Variants in SPI1 observed in about 807,000 individuals in gnomAD.
The protein encoded by SPI1 is transcription factor PU.1.
Under a neutral mutation model 30.7 loss-of-function variants are expected in SPI1, and 3 were observed. The observed-to-expected ratio is 0.10, with a 90% CI of 0.04 to 0.25. The LOEUF (loss-of-function observed/expected upper bound fraction) is 0.25, where lower values mean the gene tolerates loss of function less well. SPI1 is among the 10% of genes least tolerant of loss of function. The probability of loss-of-function intolerance (pLI) is 1.00; values close to 1 mark genes in which losing one functional copy is unlikely to be tolerated. For missense variants in SPI1, 261 were observed against 371.5 expected (o/e 0.70, Z 2.45); for synonymous variants, 169 against 157.1 (o/e 1.08, Z -0.56).
intron 1 of SPI1, among the ~76,000 whole-genome samples, chr11:47,377,215 C>T (rs962382153): frequency 1.4e-4 from 21 of 152,144 alleles, no homozygotes; most frequent in Admixed American, 1.0e-3. Context: ...GATGTCAGCC[C>T]GGCTCTGGTC....
chr11:47,356,798 G>C (rs890955526), intron 4 of SPI1, among the ~76,000 whole-genome samples: 21 of 143,754 alleles, frequency 1.5e-4, no homozygotes, highest in Non-Finnish European at 2.9e-4. Flanking sequence ...ACACACACTT[G>C]CACGCACACA....
chr11:47,360,125 C>G, intron 2 of SPI1, 85 bp from the exon 3 acceptor site: 1 of 1,206,504 alleles, frequency 8.3e-7, no homozygotes. Context: ...ATAATACTGC[C>G]AGGCCATATG....
At chr11:47,376,163 C>G (rs55677087) in intron 1 of SPI1, among the ~76,000 whole-genome samples, 42,833 of 151,682 alleles carry the variant, frequency 0.28, 6,606 homozygotes, top group Middle Eastern at 0.39. Flanking sequence ...CGCCTGCACA[C>G]TATCCCTCAC....
At chr11:47,377,359 C>T (rs937203606) in intron 1 of SPI1, among the ~76,000 whole-genome samples, 1 of 152,090 alleles carries the variant, frequency 6.6e-6, no homozygotes, top group African/African-American at 2.4e-5. Context: ...AAGCCCTTCC[C>T]GGCTCCCCTC....
intron 2 of SPI1, among the ~76,000 whole-genome samples, chr11:47,368,799 G>A (rs1223224402): frequency 3.3e-5 from 5 of 152,282 alleles, no homozygotes. Flanking sequence ...TGAATACAGA[G>A]TCTCCGTTTT....
At chr11:47,363,849 C>T (rs150863859) in intron 2 of SPI1, among the ~76,000 whole-genome samples, 1 of 149,970 alleles carries the variant, frequency 6.7e-6, no homozygotes, top group African/African-American at 2.4e-5. Context: ...GTAATCCCAG[C>T]TACTCAGGAG....
chr11:47,366,133 A>G (rs1218364121), intron 2 of SPI1, among the ~76,000 whole-genome samples: 1 of 152,088 alleles, frequency 6.6e-6, no homozygotes, highest in African/African-American at 2.4e-5. Flanking sequence ...TCCATTCATC[A>G]TGGAACCATT....
intron 2 of SPI1, among the ~76,000 whole-genome samples, chr11:47,368,102 A>ACACCT (rs1434997718): frequency 1.3e-5 from 2 of 152,154 alleles, no homozygotes; most frequent in African/African-American, 4.8e-5. Flanking sequence ...GCAGTGGCTC[A>ACACCT]CACCTGTATT....
At chr11:47,360,086 A>C in intron 2 of SPI1, 46 bp from the exon 3 acceptor site, 17 of 1,368,816 alleles carry the variant, frequency 1.2e-5, no homozygotes, top group Non-Finnish European at 1.5e-5. Flanking sequence ...AGGGTTGGGC[A>C]GGGCAGGAAA....
chr11:47,378,459 G>A lies in SPI1; in HGVS notation c.-106C>T. 2.3e-6 allele frequency: 3 copies of A among 1,283,892 alleles called. No homozygotes were observed. The highest frequency in any genetic ancestry group is 1.3e-5 in the South Asian group (1 of 78,922). 79.5% of individuals were successfully genotyped at this position (1,283,892 alleles called of 1,614,324 possible). On this transcript the variant is annotated 5_prime_UTR_variant, in exon 1 of 5. Coordinates refer to ENST00000378538, the MANE Select transcript of SPI1 (RefSeq NM_003120.3). ...GGGGCTGGACGGTCGTGGGGCGGGT[G>A]CAGGGCTCAGGCCTGCCCCCTGAGC...
chr11:47,367,006 G>T (rs1381594027), intron 2 of SPI1, among the ~76,000 whole-genome samples: 3 of 152,250 alleles, frequency 2.0e-5, no homozygotes, highest in South Asian at 2.1e-4. Context: ...CTAGCAATGT[G>T]CCTGGCATAT....
At chr11:47,367,731 A>C (rs2095930380) in intron 2 of SPI1, among the ~76,000 whole-genome samples, 1 of 149,210 alleles carries the variant, frequency 6.7e-6, no homozygotes. Flanking sequence ...CCACTATGGG[A>C]AATAGATGAT....
At position 47,355,334 on chromosome 11, in the gene SPI1, C is replaced by T; in HGVS notation, c.706G>A (p.Gly236Ser). The T allele has an allele frequency of 6.2e-7, 1 of 1,612,974 alleles. No homozygotes were observed. Among genetic ancestry groups the T allele is most frequent in the Non-Finnish European group, 8.5e-7 (1 of 1,179,472 alleles). ...QKMARALRNY[G>S]KTGEVKKVKK... ...ACCTTCTTGACCTCGCCCGTCTTGC[C>T]GTAGTTGCGCAGCGCGCGCGCCATC... Residue 236 changes from glycine (G) to serine (S), a missense_variant, in exon 5 of 5, where the codon GGC (glycine) becomes AGC (serine). Around this residue, in one of 5 missense-constraint regions of SPI1, gnomAD observed 43 missense variants for 123.8 expected, o/e 0.35. Coordinates refer to ENST00000378538, the MANE Select transcript of SPI1 (RefSeq NM_003120.3).
Position 47,375,095 on chromosome 11 carries a change from C to T in SPI1, c.142+538G>A, listed in dbSNP as rs540662211. 4.6e-5 allele frequency among the ~76,000 whole-genome samples: 7 copies of T among 152,204 alleles called. No homozygotes were observed. Among genetic ancestry groups the T allele is most frequent in the Admixed American group, 2.0e-4 (3 of 15,288 alleles). ...AGCAAGGATGCCACTAAGCTTCCTACGGTACCCGGGACAGCCCACCCAGGA... is the reference window on the plus strand; with the variant it reads ...AGCAAGGATGCCACTAAGCTTCCTATGGTACCCGGGACAGCCCACCCAGGA... On this transcript the variant is annotated intron_variant, in intron 2 of 4. Coordinates refer to ENST00000378538, the MANE Select transcript of SPI1 (RefSeq NM_003120.3). This position sits in a 1 kb window ranked among gnomAD's most constrained non-coding sequence, Gnocchi z 4.2.
intron 2 of SPI1, among the ~76,000 whole-genome samples, chr11:47,361,271 G>C (rs923768517): frequency 6.6e-6 from 1 of 152,198 alleles, no homozygotes. Context: ...TCACAGGGCT[G>C]ACATTCCTCA....
At chr11:47,356,319 C>T (rs1011257525) in intron 4 of SPI1, among the ~76,000 whole-genome samples, 6 of 139,944 alleles carry the variant, frequency 4.3e-5, no homozygotes, top group Non-Finnish European at 7.7e-5. Context: ...CACACTGCAT[C>T]TGCTTACACA....
At chr11:47,361,075 T>C (rs182659833) in intron 2 of SPI1, among the ~76,000 whole-genome samples, 15 of 151,978 alleles carry the variant, frequency 9.9e-5, no homozygotes, top group African/African-American at 3.6e-4. Context: ...GAGCCGAGAT[T>C]GCGCCACTGC....
intron 1 of SPI1, among the ~76,000 whole-genome samples, chr11:47,377,948 C>T (rs977198710): frequency 1.3e-5 from 2 of 152,330 alleles, no homozygotes; most frequent in South Asian, 4.1e-4. Flanking sequence ...ACCGGCCTCC[C>T]CCAAGCCAGT....
chr11:47,362,570 CTTTTTTTTTTT>C lies in SPI1; in HGVS notation c.143-2541_143-2531del, dbSNP rs377422572. Reference sequence around the variant, plus strand: ...TGGGTGACAGAGTGAGACCCTGTCTCTTTTTTTTTTTTTTTTTTTTTCTCTGAGATGAAGTC... The same window carrying C: ...TGGGTGACAGAGTGAGACCCTGTCTCTTTTTTTTTTCTCTGAGATGAAGTC... On this transcript the variant is annotated intron_variant, in intron 2 of 4. Coordinates refer to ENST00000378538, the MANE Select transcript of SPI1 (RefSeq NM_003120.3). Among the ~76,000 whole-genome samples, 5 of 108,048 alleles carry C rather than the reference CTTTTTTTTTTT, an allele frequency of 4.6e-5. No individual in the cohort carries two copies. In the East Asian group the frequency reaches 1.3e-3, roughly 28 times the overall value. The allele number at this position is 108,048 out of a possible 152,430, so 70.9% of individuals were successfully genotyped here. A position where few individuals can be genotyped will look rare whatever the true frequency, so the allele number is the denominator to read the frequency against.
Sources: gnomAD v4.1 joint callset for allele counts (sites outside exome capture counted in the v4.1 genomes callset) on GRCh38, gnomAD v4.1.1 for gene constraint, gnomAD v4.1.1 regional missense constraint, Gnocchi (gnomAD v3.1) non-coding constraint, MANE v1.5 for transcripts, NCBI Gene and HGNC (gene_info 2026-07-23, HGNC 2026-07-21) for gene names.